ZNF30: variants seen among roughly 807,000 people sequenced by gnomAD.
ZNF30 encodes the protein zinc finger protein 30 (KOX 28).
ZNF30 carries 15 observed loss-of-function variants against 13.2 expected under a neutral mutation model. The ratio of observed to expected loss-of-function variants is 1.13; its 90% CI spans 0.76 to 1.75. The LOEUF (loss-of-function observed/expected upper bound fraction) is 1.75. Ranked by LOEUF, ZNF30 falls within the 40% of genes most tolerant of loss-of-function variation. The pLI is 0.00. For synonymous variants in ZNF30, 223 were observed against 256.6 expected (o/e 0.87, Z 1.25); for missense variants, 726 against 757.0 (o/e 0.96, Z 0.48).
chr19:34,938,005 A>C (rs974772236), intron 4 of ZNF30, among the ~76,000 whole-genome samples: 2 of 152,078 alleles, frequency 1.3e-5, no homozygotes, highest in Non-Finnish European at 2.9e-5. Flanking sequence ...CATGTTGTCC[A>C]GGTTGGTCTC....
chr19:34,939,474 G>A (rs566827828), intron 4 of ZNF30, among the ~76,000 whole-genome samples: 16 of 150,786 alleles, frequency 1.1e-4, no homozygotes, highest in South Asian at 6.3e-4. Flanking sequence ...CACCGTGCCC[G>A]GCCTAACTTC....
chr19:34,944,002 T>G lies in ZNF30; in HGVS notation c.1036T>G (p.Cys346Gly), dbSNP rs751334460. 6.2e-7 allele frequency: 1 copy of G among 1,614,124 alleles called. No individual in the cohort carries two copies. The highest frequency in any genetic ancestry group is 1.3e-5 in the African/African-American group (1 of 75,020). The change falls in exon 5 of 5, where the codon TGT (cysteine) becomes GGT (glycine). Residue 346 changes from cysteine (C) to glycine (G), a missense_variant. Physicochemically the swap from Cys to Gly is radical, Grantham distance 159 (BLOSUM62 -3). Coordinates refer to ENST00000601142, the MANE Select transcript of ZNF30 (RefSeq NM_194325.3). ...TCATACTGGTGAGAAACCTTTTGAA[T>G]GTAAGGAATGTGGAAAGGCCTTTAG... ...SIHTGEKPFECKECGKAFRLS... is the reference protein window; with the variant it reads ...SIHTGEKPFEGKECGKAFRLS...
At chr19:34,933,855 G>T in intron 4 of ZNF30, 132 bp downstream of exon 4, 1 of 584,366 alleles carries the variant, frequency 1.7e-6, no homozygotes, top group East Asian at 3.0e-5. Flanking sequence ...AAAAGGCTGA[G>T]ACTTGGGTAA....
At chr19:34,934,862 G>A (rs186824652) in intron 4 of ZNF30, among the ~76,000 whole-genome samples, 79 of 152,216 alleles carry the variant, frequency 5.2e-4, no homozygotes, top group African/African-American at 1.7e-3. Flanking sequence ...GCAAACAACC[G>A]TGGCACATGT....
intron 1 of ZNF30, among the ~76,000 whole-genome samples, chr19:34,927,577 A>C (rs1400849256): frequency 2.6e-5 from 4 of 152,224 alleles, no homozygotes; most frequent in Non-Finnish European, 4.4e-5. Flanking sequence ...TTATCAGTGC[A>C]GGGAAAAGGA....
At position 34,943,871 on chromosome 19, in the gene ZNF30, C is replaced by T; in HGVS notation, c.905C>T (p.Pro302Leu). ...ECGKAFSTSSPLAKHQRIHTG... is the reference protein window; with the variant it reads ...ECGKAFSTSSLLAKHQRIHTG... ...GGGAAGGCCTTTAGCACTAGCTCAC[C>T]CCTTGCTAAGCATCAGAGAATTCAT... The change falls in exon 5 of 5, where the codon CCC becomes CTC. Residue 302 changes from proline (P) to leucine (L), a missense_variant. By Grantham distance (98) the Pro-to-Leu change is moderately conservative (BLOSUM62 -3). Transcript: ENST00000601142. 6.2e-7 allele frequency: 1 copy of T among 1,613,454 alleles called. No homozygotes were observed. The highest frequency in any genetic ancestry group is 8.5e-7 in the Non-Finnish European group (1 of 1,179,814).
Position 34,928,252 on chromosome 19 carries a change from TATAG to T in ZNF30, c.-65+1056_-65+1059del, listed in dbSNP as rs61316053. ...ATATATATATATATATATATATATA[TATAG>T]ATAGATAGATAGATAGATACATAAA... On this transcript the variant is annotated intron_variant, in intron 1 of 4. Transcript: ENST00000601142. Among the ~76,000 whole-genome samples the T allele has an allele frequency of 7.9e-3, 444 of 56,278 alleles. 1 individual carries two copies. Among genetic ancestry groups the T allele is most frequent in the East Asian group, 0.037 (88 of 2,408 alleles). The allele number at this position is 56,278 out of a possible 152,430, so 36.9% of individuals were successfully genotyped here. A position where few individuals can be genotyped will look rare whatever the true frequency, so the allele number is the denominator to read the frequency against.
rs1475676516 is a variant in ZNF30 at position 34,943,707 on chromosome 19, T to C, written c.741T>C (p.Leu247=). The change falls in exon 5 of 5, where the codon CTT becomes CTC. Residue 247 remains leucine, a synonymous_variant. Coordinates refer to ENST00000601142, the MANE Select transcript of ZNF30 (RefSeq NM_194325.3). ...CGKAFLVYGK[L]TRHQSTHTGE... ...AAGCTTTTCTAGTATATGGAAAGCT[T>C]ACCCGGCATCAGAGTACTCACACTG... 6.2e-7 allele frequency: 1 copy of C among 1,613,554 alleles called. No homozygotes were observed. Among genetic ancestry groups the C allele is most frequent in the Admixed American group, 1.7e-5 (1 of 59,924 alleles).
At chr19:34,938,378 T>A (rs374436716) in intron 4 of ZNF30, among the ~76,000 whole-genome samples, 2 of 152,200 alleles carry the variant, frequency 1.3e-5, no homozygotes, top group South Asian at 2.1e-4. Flanking sequence ...CTTTGAGGAT[T>A]TTCTTTTTTA....
At chr19:34,937,056 G>A (rs1270545296) in intron 4 of ZNF30, among the ~76,000 whole-genome samples, 1 of 152,020 alleles carries the variant, frequency 6.6e-6, no homozygotes, top group Non-Finnish European at 1.5e-5. Context: ...TTGTTGCCCA[G>A]GCTGGAGTGC....
chr19:34,928,223 ATATATATATATATATATATATAT>A (rs2012207002), intron 1 of ZNF30, among the ~76,000 whole-genome samples: 1 of 51,326 alleles, frequency 1.9e-5, no homozygotes, highest in Admixed American at 1.6e-4. Flanking sequence ...AAAAAAAAAT[ATATATATATATATATATATATAT>A]ATATATATAG....
intron 4 of ZNF30, among the ~76,000 whole-genome samples, chr19:34,939,302 C>T (rs2012917728): frequency 6.6e-6 from 1 of 151,932 alleles, no homozygotes; most frequent in African/African-American, 2.4e-5. Context: ...CTGCCTTAGC[C>T]TCCGGAGTAG....
At chr19:34,924,116 C>T (rs901067165), upstream of ZNF30, among the ~76,000 whole-genome samples, 3 of 152,116 alleles carry the variant, frequency 2.0e-5, no homozygotes, top group African/African-American at 7.2e-5. Context: ...CAATTTACCT[C>T]TGACGATTAA....
chr19:34,937,571 A>G (rs1227571372), intron 4 of ZNF30, among the ~76,000 whole-genome samples: 1 of 151,948 alleles, frequency 6.6e-6, no homozygotes, highest in Non-Finnish European at 1.5e-5. Context: ...CCATCTCTAC[A>G]AAAAGTTTAA....
upstream of ZNF30, among the ~76,000 whole-genome samples, chr19:34,925,964 G>A (rs569050722): frequency 1.3e-5 from 2 of 152,262 alleles, no homozygotes; most frequent in East Asian, 3.9e-4. Flanking sequence ...TTGAGCCCAG[G>A]AGTTCGAGAC....
At chr19:34,936,653 T>C (rs1292203804) in intron 4 of ZNF30, among the ~76,000 whole-genome samples, 1 of 152,154 alleles carries the variant, frequency 6.6e-6, no homozygotes, top group Non-Finnish European at 1.5e-5. Context: ...CCCAACACTT[T>C]GGGAGGCCAA....
At chr19:34,926,126 AT>A (rs1452327251), upstream of ZNF30, among the ~76,000 whole-genome samples, 3 of 152,220 alleles carry the variant, frequency 2.0e-5, no homozygotes, top group Non-Finnish European at 4.4e-5. Context: ...GTAAGCCGAG[AT>A]AGCGCCACTG....
At chr19:34,928,344 A>G (rs946650053) in intron 1 of ZNF30, among the ~76,000 whole-genome samples, 7 of 150,814 alleles carry the variant, frequency 4.6e-5, no homozygotes, top group African/African-American at 1.7e-4. Context: ...TGTTTACGTA[A>G]TAACTCCAAT....
At chr19:34,938,365 T>C (rs1199066714) in intron 4 of ZNF30, among the ~76,000 whole-genome samples, 2 of 152,138 alleles carry the variant, frequency 1.3e-5, no homozygotes, top group African/African-American at 4.8e-5. Flanking sequence ...TCTCCTTATA[T>C]TACTTTGAGG....
Sources: gnomAD v4.1 joint callset for allele counts (sites outside exome capture counted in the v4.1 genomes callset) on GRCh38, gnomAD v4.1.1 for gene constraint, MANE v1.5 for transcripts, NCBI Gene and HGNC (gene_info 2026-07-23, HGNC 2026-07-21) for gene names.